SPATA17: variants seen among roughly 807,000 people sequenced by gnomAD.
SPATA17 encodes spermatogenesis associated 17, also known as spermatogenesis-associated protein 17.
A neutral mutation model predicts 62.2 loss-of-function variants in SPATA17; 53 were observed. The observed-to-expected ratio is 0.85, with a 90% CI of 0.68 to 1.07. The LOEUF is 1.07. SPATA17 is among the 50% of genes least tolerant of loss of function. SPATA17 has a pLI of 0.00. For synonymous variants in SPATA17, 146 were observed against 146.8 expected, an observed-to-expected ratio of 0.99 and a Z score of 0.04; for missense variants, 466 against 425.5, an observed-to-expected ratio of 1.10 and a Z score of -0.84.
chr1:217,633,678 A>T (rs1400247847), intron 1 of SPATA17, among the ~76,000 whole-genome samples: 2 of 152,234 alleles, frequency 1.3e-5, no homozygotes, highest in African/African-American at 2.4e-5. Context: ...GCTTGAGTGT[A>T]CTGTCCCAAA....
At chr1:217,727,176 G>C (rs1672280810) in intron 5 of SPATA17, among the ~76,000 whole-genome samples, 1 of 151,696 alleles carries the variant, frequency 6.6e-6, no homozygotes, top group Admixed American at 6.6e-5. Context: ...GAACCCGGGA[G>C]GCGGAGGTTG....
chr1:217,680,541 C>G (rs1346111410), intron 4 of SPATA17, among the ~76,000 whole-genome samples: 1 of 151,816 alleles, frequency 6.6e-6, no homozygotes, highest in African/African-American at 2.4e-5. Flanking sequence ...AAGAATTGAT[C>G]TGGCAAATAA....
intron 8 of SPATA17, among the ~76,000 whole-genome samples, chr1:217,783,379 A>G (rs1673779126): frequency 6.6e-6 from 1 of 151,992 alleles, no homozygotes; most frequent in Non-Finnish European, 1.5e-5. Context: ...AGTAATTTTT[A>G]TAAAGTTTTT....
intron 5 of SPATA17, among the ~76,000 whole-genome samples, chr1:217,718,871 A>G (rs984905732): frequency 6.6e-6 from 1 of 152,182 alleles, no homozygotes; most frequent in Admixed American, 6.5e-5. Context: ...ACAAAACAAA[A>G]CAAACAAAAA....
chr1:217,823,447 T>G (rs1350234681), intron 9 of SPATA17, among the ~76,000 whole-genome samples: 2 of 151,818 alleles, frequency 1.3e-5, no homozygotes, highest in African/African-American at 4.8e-5. Flanking sequence ...TTTTTCACTC[T>G]GCTCTAGTTC....
At chr1:217,705,066 T>C (rs1671701062) in intron 5 of SPATA17, among the ~76,000 whole-genome samples, 1 of 152,212 alleles carries the variant, frequency 6.6e-6, no homozygotes, top group African/African-American at 2.4e-5. Flanking sequence ...CCAACATCTG[T>C]TATTTTTTGA....
At chr1:217,671,851 C>G (rs1237262975) in intron 4 of SPATA17, among the ~76,000 whole-genome samples, 1 of 152,168 alleles carries the variant, frequency 6.6e-6, no homozygotes, top group Non-Finnish European at 1.5e-5. Flanking sequence ...AGAGACATTT[C>G]TCTAACAAAG....
At chr1:217,779,350 TTC>T (rs1473637726) in intron 7 of SPATA17, among the ~76,000 whole-genome samples, 1 of 151,914 alleles carries the variant, frequency 6.6e-6, no homozygotes, top group East Asian at 1.9e-4. Flanking sequence ...TACTAATCTA[TTC>T]TCTTTTCTTC....
chr1:217,649,723 CTCTT>C (rs1670262938), intron 2 of SPATA17, among the ~76,000 whole-genome samples: 1 of 142,930 alleles, frequency 7.0e-6, no homozygotes. Flanking sequence ...CCTATCTTAA[CTCTT>C]TCTCACTTTT....
At chr1:217,672,244 G>T (rs920818224) in intron 4 of SPATA17, among the ~76,000 whole-genome samples, 3 of 152,122 alleles carry the variant, frequency 2.0e-5, no homozygotes, top group Non-Finnish European at 4.4e-5. Context: ...ATACGATTCT[G>T]CTTTTTCATT....
intron 8 of SPATA17, chr1:217,785,025 T>G (rs547491913): frequency 1.3e-5 from 2 of 152,232 alleles, no homozygotes; most frequent in African/African-American, 4.8e-5. Flanking sequence ...GTTCCTTCTC[T>G]GTGAGAAAGA....
intron 5 of SPATA17, among the ~76,000 whole-genome samples, chr1:217,696,540 C>T (rs1671466200): frequency 6.6e-6 from 1 of 152,082 alleles, no homozygotes; most frequent in African/African-American, 2.4e-5. Context: ...ACTATTTGGT[C>T]CTTTTTAAAA....
intron 3 of SPATA17, among the ~76,000 whole-genome samples, chr1:217,654,735 T>A (rs1025204642): frequency 6.6e-6 from 1 of 150,874 alleles, no homozygotes; most frequent in Admixed American, 6.6e-5. Flanking sequence ...TTTTTTTTTT[T>A]AGACAGAGTC....
chr1:217,772,696 A>T (rs1271913466), intron 6 of SPATA17, among the ~76,000 whole-genome samples: 6 of 152,158 alleles, frequency 3.9e-5, no homozygotes, highest in Admixed American at 1.3e-4. Context: ...GTTATTCTAG[A>T]TAAGCATTTA....
At chr1:217,749,763 T>G (rs1247194446) in intron 6 of SPATA17, among the ~76,000 whole-genome samples, 2 of 151,810 alleles carry the variant, frequency 1.3e-5, no homozygotes, top group Admixed American at 6.6e-5. Flanking sequence ...CTTTGCAGTT[T>G]GTAAGCCTCC....
chr1:217,709,047 G>A (rs1030280088), intron 5 of SPATA17, among the ~76,000 whole-genome samples: 3 of 151,918 alleles, frequency 2.0e-5, no homozygotes, highest in African/African-American at 7.3e-5. Context: ...CAAAATAAGA[G>A]CCATCTATGA....
At chr1:217,855,254 T>C (rs1481454528) in intron 9 of SPATA17, among the ~76,000 whole-genome samples, 1 of 152,216 alleles carries the variant, frequency 6.6e-6, no homozygotes, top group Non-Finnish European at 1.5e-5. Context: ...GCCAGTTTCA[T>C]ATAGCCTTTC....
At chr1:217,803,875 G>A (rs753182087) in intron 9 of SPATA17, among the ~76,000 whole-genome samples, 8 of 152,018 alleles carry the variant, frequency 5.3e-5, no homozygotes, top group Admixed American at 2.6e-4. Flanking sequence ...AAAGGTAGCC[G>A]GGTGTGGTGG....
chr1:217,689,353 G>A (rs944191597), intron 5 of SPATA17, among the ~76,000 whole-genome samples: 1 of 150,296 alleles, frequency 6.7e-6, no homozygotes, highest in Non-Finnish European at 1.5e-5. Flanking sequence ...AGCTTCCCGA[G>A]TAGCTGGGAC....
Sources: allele counts gnomAD v4.1 joint callset (sites outside exome capture counted in the v4.1 genomes callset), GRCh38; gene constraint gnomAD v4.1.1; transcripts MANE v1.5; gene names NCBI Gene and HGNC (gene_info 2026-07-23, HGNC 2026-07-21).